ROBO2: variants seen among roughly 807,000 people sequenced by gnomAD.
ROBO2 encodes the protein roundabout homolog 2.
Under a neutral mutation model 160.8 loss-of-function variants are expected in ROBO2, and 53 were observed. That is an observed-to-expected ratio of 0.33 (90% confidence interval 0.26 to 0.41). The LOEUF (loss-of-function observed/expected upper bound fraction) is 0.41, where lower values mean the gene tolerates loss of function less well. ROBO2 is among the 10% of genes least tolerant of loss of function. The pLI is 1.00. For synonymous variants in ROBO2, 664 were observed against 611.7 expected, an observed-to-expected ratio of 1.09 and a Z score of -1.26; for missense variants, 1,577 against 1,722.4, an observed-to-expected ratio of 0.92 and a Z score of 1.49.
chr3:76,439,634 C>G (rs1474712619), intron 2 of ROBO2, among the ~76,000 whole-genome samples: 2 of 152,132 alleles, frequency 1.3e-5, no homozygotes. Context: ...TGCTTGTACT[C>G]AATGAGGGCA....
At chr3:77,020,956 A>G (rs1402116876) in intron 2 of ROBO2, among the ~76,000 whole-genome samples, 1 of 152,100 alleles carries the variant, frequency 6.6e-6, no homozygotes, top group African/African-American at 2.4e-5. Flanking sequence ...TGAAATCCAG[A>G]CACTTTGGTA....
At chr3:77,446,920 A>G (rs902059263) in intron 2 of ROBO2, among the ~76,000 whole-genome samples, 1 of 152,090 alleles carries the variant, frequency 6.6e-6, no homozygotes, top group Non-Finnish European at 1.5e-5. Flanking sequence ...TTTGAGCAGA[A>G]TGAATCCATC....
rs74953979 is a variant in ROBO2 at position 76,010,927 on chromosome 3, C to T, written c.109+73325C>T. 2.4e-3 allele frequency among the ~76,000 whole-genome samples: 358 copies of T among 152,092 alleles called. 6 individuals are homozygous for T. In the East Asian group the frequency reaches 0.035, roughly 15 times the overall value. On this transcript the variant is annotated intron_variant, in intron 2 of 26. Transcript: ENST00000487694. ...TCACATATTTAGTACAAAATATTGCCCAAAATACATCCTAGGGCTTGGGGA... is the reference window on the plus strand; with the variant it reads ...TCACATATTTAGTACAAAATATTGCTCAAAATACATCCTAGGGCTTGGGGA...
chr3:76,696,390 T>C (rs1206471217), intron 2 of ROBO2, among the ~76,000 whole-genome samples: 1 of 152,132 alleles, frequency 6.6e-6, no homozygotes, highest in African/African-American at 2.4e-5. Flanking sequence ...TCTTTTTTTT[T>C]TTTTCAGTTG....
At chr3:77,272,208 T>C (rs2059536504) in intron 2 of ROBO2, among the ~76,000 whole-genome samples, 2 of 152,220 alleles carry the variant, frequency 1.3e-5, no homozygotes, top group Admixed American at 1.3e-4. Context: ...AAACTTGCTA[T>C]GTAATCTGTA....
intron 19 of ROBO2, among the ~76,000 whole-genome samples, chr3:77,597,296 A>AAAATAAAT (rs754183877): frequency 0.084 from 10,232 of 121,256 alleles, 486 homozygotes; most frequent in Admixed American, 0.16. Context: ...CTGTTATCCA[A>AAAATAAAT]AAATAAATAA....
intron 2 of ROBO2, among the ~76,000 whole-genome samples, chr3:76,045,075 A>G (rs1232799871): frequency 1.3e-5 from 2 of 151,980 alleles, no homozygotes; most frequent in Non-Finnish European, 2.9e-5. Flanking sequence ...GATTTCTTTT[A>G]TTACCTGGGA....
At chr3:77,290,925 G>A (rs796563189) in intron 2 of ROBO2, among the ~76,000 whole-genome samples, 286 of 31,996 alleles carry the variant, frequency 8.9e-3, no homozygotes, top group Admixed American at 0.013. Context: ...ACATAAAGTA[G>A]AATTGATGTT....
At chr3:77,501,307 TAA>T (rs564271665) in intron 5 of ROBO2, among the ~76,000 whole-genome samples, 2,699 of 145,866 alleles carry the variant, frequency 0.019, 77 homozygotes, top group African/African-American at 0.062. Flanking sequence ...AAGCAAAAGG[TAA>T]AAAAAAAAAG....
intron 17 of ROBO2, among the ~76,000 whole-genome samples, chr3:77,591,123 T>C (rs2094171134): frequency 6.6e-6 from 1 of 152,140 alleles, no homozygotes; most frequent in Non-Finnish European, 1.5e-5. Flanking sequence ...ACTTCACACA[T>C]AGGTCTTAAA....
intron 2 of ROBO2, among the ~76,000 whole-genome samples, chr3:76,174,125 T>C (rs1008659215): frequency 6.6e-6 from 1 of 152,168 alleles, no homozygotes; most frequent in Non-Finnish European, 1.5e-5. Flanking sequence ...GATGATAAGC[T>C]TTTTTTCATA....
intron 2 of ROBO2, among the ~76,000 whole-genome samples, chr3:76,235,024 C>G (rs1704854452): frequency 6.6e-6 from 1 of 152,004 alleles, no homozygotes; most frequent in Non-Finnish European, 1.5e-5. Context: ...GTTAAGATGT[C>G]GTGAAAACAT....
chr3:77,072,704 T>C (rs2067553545), intron 1 of ROBO2, among the ~76,000 whole-genome samples: 1 of 152,226 alleles, frequency 6.6e-6, no homozygotes, highest in Admixed American at 6.5e-5. Context: ...TGTTTGCAAG[T>C]ATATACCCAG....
At chr3:76,141,272 C>G (rs1472456746) in intron 2 of ROBO2, among the ~76,000 whole-genome samples, 1 of 140,906 alleles carries the variant, frequency 7.1e-6, no homozygotes, top group Non-Finnish European at 1.5e-5. Flanking sequence ...ATGGAAGAAG[C>G]GATAGCCAAT....
rs187949201 is a variant in ROBO2 at position 77,372,936 on chromosome 3, T to C, written c.389-104478T>C. The stretch of plus-strand genomic sequence containing the variant: ...TGACAGTTCAGGAAGTATATGTGCT[T>C]CTGTATTAACTATTAAAGCTCTCTG... On this transcript the variant is annotated intron_variant, in intron 2 of 25. Coordinates refer to ENST00000461745, the Ensembl canonical transcript of ROBO2. 9.3e-3 allele frequency among the ~76,000 whole-genome samples: 1,407 copies of C among 152,068 alleles called. 7 individuals are homozygous for C. Among genetic ancestry groups the C allele is most frequent in the Non-Finnish European group, 0.016 (1,054 of 67,946 alleles).
At chr3:77,472,108 T>TGAGA (rs141138831) in intron 2 of ROBO2, among the ~76,000 whole-genome samples, 2 of 149,794 alleles carry the variant, frequency 1.3e-5, no homozygotes, top group African/African-American at 4.9e-5. Context: ...TAAGCCACAA[T>TGAGA]GAGAGAGAGA....
chr3:77,165,069 G>T (rs538184558), intron 2 of ROBO2, among the ~76,000 whole-genome samples: 1,939 of 151,618 alleles, frequency 0.013, 60 homozygotes, highest in African/African-American at 0.044. Flanking sequence ...TGTGCCCAAC[G>T]GCTCATTGAG....
At chr3:76,563,333 A>G (rs550760771) in intron 2 of ROBO2, among the ~76,000 whole-genome samples, 60 of 152,310 alleles carry the variant, frequency 3.9e-4, no homozygotes, top group African/African-American at 1.4e-3. Context: ...GGCAGGAACT[A>G]TGATAATTTT....
chr3:76,966,868 A>G (rs1382351040), intron 2 of ROBO2, among the ~76,000 whole-genome samples: 2 of 152,250 alleles, frequency 1.3e-5, no homozygotes, highest in Non-Finnish European at 2.9e-5. Flanking sequence ...GTATAGCAGA[A>G]AAATTTCATC....
Sources: gnomAD v4.1 joint callset for allele counts (sites outside exome capture counted in the v4.1 genomes callset) on GRCh38, gnomAD v4.1.1 for gene constraint, MANE v1.5 for transcripts, NCBI Gene and HGNC (gene_info 2026-07-23, HGNC 2026-07-21) for gene names.